CNTNAP2: variants seen among roughly 807,000 people sequenced by gnomAD.
CNTNAP2 encodes the protein contactin-associated protein-like 2.
A neutral mutation model predicts 155.2 loss-of-function variants in CNTNAP2; 98 were observed. That is an observed-to-expected ratio of 0.63 (90% confidence interval 0.54 to 0.75). CNTNAP2 has a LOEUF of 0.75. Among genes scored for constraint, CNTNAP2 ranks in the 30% least tolerant of loss-of-function variants. The pLI is 0.00. For synonymous variants in CNTNAP2, 651 were observed against 631.2 expected (o/e 1.03, Z -0.47); for missense variants, 1,727 against 1,688.1 (o/e 1.02, Z -0.40).
chr7:148,159,965 G>A (rs2373318), intron 17 of CNTNAP2, among the ~76,000 whole-genome samples: 3,312 of 152,086 alleles, frequency 0.022, 53 homozygotes, highest in South Asian at 0.032. Context: ...ACTGCTGGGC[G>A]CGGTGGCTCA....
At chr7:147,764,805 GTCA>G (rs1797359607) in intron 13 of CNTNAP2, among the ~76,000 whole-genome samples, 2 of 152,124 alleles carry the variant, frequency 1.3e-5, no homozygotes, top group African/African-American at 4.8e-5. Context: ...AAAATCAGAA[GTCA>G]TCATATCTCT....
At chr7:147,552,581 C>T (rs1352100239) in intron 11 of CNTNAP2, among the ~76,000 whole-genome samples, 1 of 148,148 alleles carries the variant, frequency 6.8e-6, no homozygotes. Flanking sequence ...AACACACACA[C>T]ACACACACAC....
chr7:147,238,609 T>C (rs1036227346), intron 8 of CNTNAP2, among the ~76,000 whole-genome samples: 1 of 152,164 alleles, frequency 6.6e-6, no homozygotes, highest in Non-Finnish European at 1.5e-5. Flanking sequence ...ATCGTCCCAT[T>C]GAGAATATAT....
intron 1 of CNTNAP2, among the ~76,000 whole-genome samples, chr7:146,204,186 A>C (rs757024954): frequency 6.6e-6 from 1 of 152,092 alleles, no homozygotes; most frequent in Non-Finnish European, 1.5e-5. Context: ...TCTAAGATTA[A>C]TTGGGCCAAC....
At chr7:147,152,053 G>T (rs971530745) in intron 8 of CNTNAP2, among the ~76,000 whole-genome samples, 6 of 152,056 alleles carry the variant, frequency 3.9e-5, no homozygotes, top group African/African-American at 1.4e-4. Flanking sequence ...CATGTCTTCT[G>T]CCCCCAAATG....
intron 15 of CNTNAP2, among the ~76,000 whole-genome samples, chr7:147,994,137 A>C (rs1358950451): frequency 6.6e-6 from 1 of 152,118 alleles, no homozygotes; most frequent in Non-Finnish European, 1.5e-5. Context: ...TGGGAGGCCG[A>C]GGTGGGAGGA....
chr7:146,341,097 A>C (rs1184802460), intron 1 of CNTNAP2, among the ~76,000 whole-genome samples: 1 of 152,160 alleles, frequency 6.6e-6, no homozygotes, highest in Admixed American at 6.5e-5. Flanking sequence ...AAGTGAACTT[A>C]TCTATCCTTT....
intron 14 of CNTNAP2, among the ~76,000 whole-genome samples, chr7:147,927,950 T>C (rs1253497616): frequency 6.6e-6 from 1 of 152,240 alleles, no homozygotes; most frequent in African/African-American, 2.4e-5. Flanking sequence ...AAATCTCATC[T>C]TGAATTGTAG....
intron 13 of CNTNAP2, among the ~76,000 whole-genome samples, chr7:147,772,267 T>C (rs2116537489): frequency 6.6e-6 from 1 of 150,924 alleles, no homozygotes; most frequent in South Asian, 2.1e-4. Flanking sequence ...CTACTAAAAA[T>C]ACAAAAACCA....
At chr7:147,705,146 A>C (rs1385784235) in intron 13 of CNTNAP2, among the ~76,000 whole-genome samples, 3 of 140,850 alleles carry the variant, frequency 2.1e-5, no homozygotes, top group African/African-American at 8.0e-5. Flanking sequence ...CTTGAGGTGC[A>C]TTAGATTGTT....
intron 21 of CNTNAP2, among the ~76,000 whole-genome samples, chr7:148,346,168 C>A (rs1456241692): frequency 6.6e-6 from 1 of 152,080 alleles, no homozygotes; most frequent in Non-Finnish European, 1.5e-5. Flanking sequence ...CAGAGCAGAA[C>A]CTGAACTCTG....
chr7:147,062,207 G>T (rs1227338640), intron 4 of CNTNAP2, among the ~76,000 whole-genome samples: 1 of 96,578 alleles, frequency 1.0e-5, no homozygotes, highest in Non-Finnish European at 2.0e-5. Flanking sequence ...TAAAACCATA[G>T]ACAGTACCTA....
At chr7:147,031,301 T>C (rs75044447) in intron 3 of CNTNAP2, among the ~76,000 whole-genome samples, 8,478 of 152,292 alleles carry the variant, frequency 0.056, 326 homozygotes, top group Middle Eastern at 0.13. Context: ...TGATGCTATA[T>C]TAGATTATCA....
intron 3 of CNTNAP2, among the ~76,000 whole-genome samples, chr7:146,986,965 A>G (rs1584767516): frequency 6.6e-6 from 1 of 152,120 alleles, no homozygotes; most frequent in African/African-American, 2.4e-5. Context: ...CAATTATTGT[A>G]TATAAATAAA....
At chr7:147,261,756 ATGACAGCCAAC>A (rs1274332315) in intron 8 of CNTNAP2, among the ~76,000 whole-genome samples, 1 of 152,240 alleles carries the variant, frequency 6.6e-6, no homozygotes, top group Non-Finnish European at 1.5e-5. Context: ...GAAGGGTATT[ATGACAGCCAAC>A]TGTTTTAAAA....
chr7:148,149,334 ATAACT>A (rs773104398), intron 17 of CNTNAP2, among the ~76,000 whole-genome samples: 6 of 152,164 alleles, frequency 3.9e-5, no homozygotes, highest in Non-Finnish European at 8.8e-5. Context: ...TGACCCAATA[ATAACT>A]TAAGAAAAGA....
intron 15 of CNTNAP2, among the ~76,000 whole-genome samples, chr7:148,068,336 A>G (rs1803309615): frequency 6.6e-6 from 1 of 152,188 alleles, no homozygotes; most frequent in Non-Finnish European, 1.5e-5. Flanking sequence ...GGGCACCAGG[A>G]ATGCCTACAG....
At chr7:146,995,109 TTA>T (rs1798282234) in intron 3 of CNTNAP2, among the ~76,000 whole-genome samples, 1 of 152,106 alleles carries the variant, frequency 6.6e-6, no homozygotes, top group Admixed American at 6.6e-5. Context: ...TGTGCCTAGC[TTA>T]TGTCACTAAA....
intron 3 of CNTNAP2, chr7:146,915,851 C>G (rs1001788767): frequency 2.0e-5 from 3 of 152,052 alleles, no homozygotes; most frequent in Non-Finnish European, 2.9e-5. Flanking sequence ...ACTTCCAGTA[C>G]TATGTTGAAT....
Sources: gnomAD v4.1 joint callset for allele counts (sites outside exome capture counted in the v4.1 genomes callset) on GRCh38, gnomAD v4.1.1 for gene constraint, MANE v1.5 for transcripts, NCBI Gene and HGNC (gene_info 2026-07-23, HGNC 2026-07-21) for gene names.